Variants in PRPF8 observed in about 807,000 individuals in gnomAD.
PRPF8 encodes pre-mRNA-processing-splicing factor 8.
PRPF8 carries 64 observed loss-of-function variants against 285.9 expected under a neutral mutation model. That is an observed-to-expected ratio of 0.22 (90% CI 0.18 to 0.28). The LOEUF (loss-of-function observed/expected upper bound fraction) is 0.28. Among genes scored for constraint, PRPF8 ranks in the 10% least tolerant of loss-of-function variants. PRPF8 has a pLI of 1.00. For missense variants in PRPF8, 1,426 were observed against 3,026.7 expected, an observed-to-expected ratio of 0.47 and a Z score of 12.41; for synonymous variants, 1,325 against 1,118.2, an observed-to-expected ratio of 1.18 and a Z score of -3.69.
In PRPF8 at chr17:1,675,033, A is replaced by T. The variant is rs1912540366; in HGVS notation, c.3060+119T>A. ...CGTGATCTGCCCGCCTCAGCCTCCC[A>T]AAGTGCTGGGATTACAGGCATGAGC... On this transcript the variant is annotated intron_variant, in intron 20 of 42. Coordinates refer to ENST00000304992, the MANE Select transcript of PRPF8 (RefSeq NM_006445.4). The surrounding 1 kb of genome is among the most constrained non-coding windows in gnomAD (Gnocchi z 6.0). 7 of 1,240,148 alleles carry T rather than the reference A, an allele frequency of 5.6e-6. No homozygotes were observed. The highest frequency in any genetic ancestry group is 8.1e-6 in the Non-Finnish European group (7 of 862,914). The allele number at this position is 1,240,148 out of a possible 1,614,324, so 76.8% of individuals were successfully genotyped here. A position where few individuals can be genotyped will look rare whatever the true frequency, so the allele number is the denominator to read the frequency against.
chr17:1,669,138 G>A (rs1912164749), intron 24 of PRPF8, among the ~76,000 whole-genome samples: 2 of 152,132 alleles, frequency 1.3e-5, no homozygotes, highest in Non-Finnish European at 2.9e-5. Context: ...ACGGAGTCTT[G>A]CTCTGTCGCC....
rs1400244982 is a variant in PRPF8 at position 1,655,415 on chromosome 17, T to C, written c.5922A>G (p.Glu1974=). Residue 1974 remains glutamate (E), a synonymous_variant, in exon 37 of 43, where the codon GAA becomes GAG. Coordinates refer to ENST00000304992, the MANE Select transcript of PRPF8 (RefSeq NM_006445.4). ...GCTGCACCTCGACCTTGATCCATTC[T>C]TCGTCAGTCAGAGTGGGCCAGATGT... is the stretch of plus-strand genomic sequence containing the variant. The part of the protein sequence containing the change: ...PHHIWPTLTD[E]EWIKVEVQLK... 1.7e-5 allele frequency: 28 copies of C among 1,613,962 alleles called. No homozygotes were observed. Among genetic ancestry groups the C allele is most frequent in the Non-Finnish European group, 2.3e-5 (27 of 1,180,030 alleles).
In PRPF8 at chr17:1,676,317, C is replaced by T; in HGVS notation, c.2442G>A (p.Val814=). 2 of 1,614,132 alleles carry T rather than the reference C, an allele frequency of 1.2e-6. No individual in the cohort carries two copies. The highest frequency in any genetic ancestry group is 1.7e-6 in the Non-Finnish European group (2 of 1,180,038). The change falls in exon 17 of 43, where the codon GTG becomes GTA. Residue 814 remains valine, a synonymous_variant. Transcript: ENST00000304992. This position sits in a 1 kb window ranked among gnomAD's most constrained non-coding sequence, Gnocchi z 6.3. ...EEAVAVYTTT[V]HWLESRRFSP... ...AAAACCTGCGGCTTTCCAACCAATG[C>T]ACTGTGGTGGTATATACTGCCACTG... is the stretch of plus-strand genomic sequence containing the variant.
Position 1,654,016 on chromosome 17 carries a change from A to G in PRPF8, c.5988T>C (p.Asn1996=). The stretch of plus-strand genomic sequence containing the variant: ...ATTGTGTCAGTGATGCCACGTTCAC[A>G]CTGTGGGGATGGTGTGGGTTATATT... The part of the protein sequence containing the change: ...LILADYGKKN[N]VNVASLTQSE... Residue 1996 remains asparagine (N), a splice_region_variant and synonymous_variant, in exon 38 of 43, where the codon AAT becomes AAC. Transcript: ENST00000304992. The G allele has an allele frequency of 6.2e-7, 1 of 1,614,160 alleles. No homozygotes were observed. The highest frequency in any genetic ancestry group is 8.5e-7 in the Non-Finnish European group (1 of 1,180,032).
Position 1,653,463 on chromosome 17 carries a change from C to T in PRPF8, c.6369+79G>A, listed in dbSNP as rs1208523736. 11 of 1,574,978 alleles carry T rather than the reference C, an allele frequency of 7.0e-6. No individual in the cohort carries two copies. In the South Asian group the frequency reaches 7.8e-5, roughly 11 times the overall value. ...AATCTTGAAACCAGCATCTCAAGTTCCAGACAATCTCAGGTCTGAGTTTTA... is the reference window on the plus strand; with the variant it reads ...AATCTTGAAACCAGCATCTCAAGTTTCAGACAATCTCAGGTCTGAGTTTTA... On this transcript the variant is annotated intron_variant, in intron 39 of 42. Transcript: ENST00000304992. This position sits in a 1 kb window ranked among gnomAD's most constrained non-coding sequence, Gnocchi z 4.9.
Position 1,673,046 on chromosome 17 carries a change from G to C in PRPF8, c.3774+35C>G. On this transcript the variant is annotated intron_variant, in intron 24 of 42. Coordinates refer to ENST00000304992, the MANE Select transcript of PRPF8 (RefSeq NM_006445.4). This position sits in a 1 kb window ranked among gnomAD's most constrained non-coding sequence, Gnocchi z 5.5. ...TGTGAAATGAGCAGAGGACAGCAGA[G>C]GACAAGAGGGAAGCTGGGCATGACG... The C allele has an allele frequency of 6.3e-7, 1 of 1,585,518 alleles. No homozygotes were observed. The highest frequency in any genetic ancestry group is 8.7e-7 in the Non-Finnish European group (1 of 1,153,948).
chr17:1,661,515 C>T lies in PRPF8; in HGVS notation c.4202+96G>A, dbSNP rs1831014802. The T allele has an allele frequency of 2.4e-5, 38 of 1,608,324 alleles. No individual in the cohort carries two copies. The South Asian group carries it at 3.5e-4, about 15-fold the overall frequency. ...TCAGTAGAACCAGCCTTCTCACCTC[C>T]ATACAACCATGGCATGCTCTGACCC... is the stretch of plus-strand genomic sequence containing the variant. On this transcript the variant is annotated intron_variant, in intron 26 of 42. Coordinates refer to ENST00000304992, the MANE Select transcript of PRPF8 (RefSeq NM_006445.4). This position sits in a 1 kb window ranked among gnomAD's most constrained non-coding sequence, Gnocchi z 7.3.
chr17:1,678,324 CAA>C, intron 13 of PRPF8, 192 bp downstream of exon 13: 4 of 591,726 alleles, frequency 6.8e-6, no homozygotes, highest in South Asian at 2.0e-5. Flanking sequence ...CAAAACAAAA[CAA>C]AAAAAAAATT....
intron 24 of PRPF8, among the ~76,000 whole-genome samples, chr17:1,672,774 G>GCA (rs1912396463): frequency 6.6e-6 from 1 of 152,014 alleles, no homozygotes; most frequent in East Asian, 1.9e-4. Flanking sequence ...ACTTAGATAA[G>GCA]CACCTGAGAA....
In PRPF8 at chr17:1,682,280, T is replaced by C. The variant is rs373157040; in HGVS notation, c.283A>G (p.Met95Val). The C allele has an allele frequency of 7.4e-5, 120 of 1,614,060 alleles. No homozygotes were observed. Among genetic ancestry groups the C allele is most frequent in the Admixed American group, 1.7e-5 (1 of 59,990 alleles). The change falls in exon 4 of 43, where the codon ATG becomes GTG. Residue 95 changes from methionine (M) to valine (V), a missense_variant. Physicochemically the swap from Met to Val is conservative, Grantham distance 21. This residue lies in a region of PRPF8 where 96 missense variants were observed against 188.3 expected (regional missense o/e 0.51). Coordinates refer to ENST00000304992, the MANE Select transcript of PRPF8 (RefSeq NM_006445.4). ...KRVYLGALKY[M>V]PHAVLKLLEN... ...AGGAGTTTGAGGACTGCGTGGGGCA[T>C]GTACTTTAGGGCACTGGCACATTAG...
chr17:1,680,644 C>T, intron 8 of PRPF8, 82 bp downstream of exon 8: 1 of 1,263,222 alleles, frequency 7.9e-7, no homozygotes, highest in South Asian at 1.2e-5. Context: ...CATCTCCCTC[C>T]ACCTGAGCGT....
chr17:1,684,806 C>G lies in PRPF8; in HGVS notation c.-38G>C, dbSNP rs888053893. Reference sequence around the variant, plus strand: ...CCACAGGCCCTCACACAAGAGGCCGCTTTCCCCGCAGCGCAATGGCGGCCA... The same window carrying G: ...CCACAGGCCCTCACACAAGAGGCCGGTTTCCCCGCAGCGCAATGGCGGCCA... On this transcript the variant is annotated 5_prime_UTR_variant, in exon 1 of 43. Coordinates refer to ENST00000304992, the MANE Select transcript of PRPF8 (RefSeq NM_006445.4). 19 of 598,642 alleles carry G rather than the reference C, an allele frequency of 3.2e-5. No homozygotes were observed. In the African/African-American group the frequency reaches 3.5e-4, roughly 11 times the overall value. The allele number at this position is 598,642 out of a possible 1,614,324, so 37.1% of individuals were successfully genotyped here. A position where few individuals can be genotyped will look rare whatever the true frequency, so the allele number is the denominator to read the frequency against.
chr17:1,680,891 C>G (rs752580311), intron 7 of PRPF8, 38 bp downstream of exon 7: 10 of 1,614,136 alleles, frequency 6.2e-6, no homozygotes, highest in Non-Finnish European at 7.6e-6. Context: ...TAAACAGCAG[C>G]CTTCTCCTTT....
rs541734619 is a variant in PRPF8 at position 1,678,908 on chromosome 17, A to C, written c.1600-27T>G. The C allele has an allele frequency of 1.4e-5, 22 of 1,614,006 alleles. No individual in the cohort carries two copies. The South Asian group carries it at 2.2e-4, about 16-fold the overall frequency. ...TGGAGAAGATGCAAAAAACAGACAG[A>C]ACGTGAATGAGCAATGGACCCAACT... is the stretch of plus-strand genomic sequence containing the variant. On this transcript the variant is annotated intron_variant, in intron 11 of 42. Transcript: ENST00000304992.
intron 24 of PRPF8, among the ~76,000 whole-genome samples, chr17:1,663,137 A>G (rs1911766572): frequency 6.6e-6 from 1 of 152,196 alleles, no homozygotes; most frequent in African/African-American, 2.4e-5. Context: ...TAGTAGACTA[A>G]TGGTCAAAGT....
Position 1,678,620 on chromosome 17 carries a change from A to G in PRPF8, c.1752T>C (p.His584=), listed in dbSNP as rs749489373. The change falls in exon 13 of 43, where the codon CAT becomes CAC. Residue 584 remains histidine (H), a synonymous_variant. Transcript: ENST00000304992. The part of the protein sequence containing the change: ...LADGLQYIFA[H]VGQLTGMYRY... ...GATACATGCCCGTCAACTGCCCAAC[A>G]TGGGCAAATATATACTGCAATCCAT... 5.6e-6 allele frequency: 9 copies of G among 1,614,124 alleles called. No homozygotes were observed. The highest frequency in any genetic ancestry group is 6.8e-6 in the Non-Finnish European group (8 of 1,180,054).
intron 24 of PRPF8, among the ~76,000 whole-genome samples, chr17:1,664,033 G>A (rs1054097201): frequency 3.3e-5 from 5 of 152,146 alleles, no homozygotes; most frequent in African/African-American, 9.7e-5. Context: ...GCTGTAGTTG[G>A]ATCTTTCTCT....
rs1462413960 is a variant in PRPF8 at position 1,658,866 on chromosome 17, TGAC to T, written c.5139-106_5139-104del. 3 of 1,006,690 alleles carry T rather than the reference TGAC, an allele frequency of 3.0e-6. No homozygotes were observed. Among genetic ancestry groups the T allele is most frequent in the Non-Finnish European group, 4.7e-6 (3 of 638,536 alleles). 62.4% of individuals were successfully genotyped at this position (1,006,690 alleles called of 1,614,324 possible). On this transcript the variant is annotated intron_variant, in intron 32 of 42. Transcript: ENST00000304992. The surrounding 1 kb of genome is among the most constrained non-coding windows in gnomAD (Gnocchi z 4.1). ...GAGGAAGAAAGACTGTTCGCCAGGCTGACAACACTCTGCTCATGTGTACATACA... is the reference window on the plus strand; with the variant it reads ...GAGGAAGAAAGACTGTTCGCCAGGCTAACACTCTGCTCATGTGTACATACA...
At chr17:1,665,042 C>T (rs1911883245) in intron 24 of PRPF8, among the ~76,000 whole-genome samples, 1 of 151,426 alleles carries the variant, frequency 6.6e-6, no homozygotes, top group Admixed American at 6.6e-5. Flanking sequence ...CACCTGTAAT[C>T]CCAGCTACTT....
Sources: allele counts gnomAD v4.1 joint callset (sites outside exome capture counted in the v4.1 genomes callset), GRCh38; gene constraint gnomAD v4.1.1; regional missense constraint gnomAD v4.1.1; non-coding constraint Gnocchi (gnomAD v3.1); transcripts MANE v1.5; gene names NCBI Gene and HGNC (gene_info 2026-07-23, HGNC 2026-07-21).